SGCZ: variants seen among roughly 807,000 people sequenced by gnomAD.
SGCZ encodes the protein zeta-sarcoglycan.
A neutral mutation model predicts 41.3 loss-of-function variants in SGCZ; 40 were observed. The observed-to-expected ratio is 0.97, with a 90% confidence interval of 0.75 to 1.26. The LOEUF (loss-of-function observed/expected upper bound fraction) is 1.26, where lower values mean the gene tolerates loss of function less well. Among genes scored for constraint, SGCZ ranks in the 50% most tolerant of loss-of-function variants. SGCZ has a pLI of 0.00. For missense variants in SGCZ, 552 were observed against 369.8 expected, an observed-to-expected ratio of 1.49 and a Z score of -4.04; for synonymous variants, 206 against 137.5, an observed-to-expected ratio of 1.50 and a Z score of -3.49.
chr8:15,046,680 AT>A (rs1804314085), intron 1 of SGCZ, among the ~76,000 whole-genome samples: 1 of 152,000 alleles, frequency 6.6e-6, no homozygotes, highest in Non-Finnish European at 1.5e-5. Context: ...AGATGTGCTC[AT>A]TGTTACTGAT....
intron 5 of SGCZ, among the ~76,000 whole-genome samples, chr8:14,148,906 C>T (rs1454467239): frequency 1.3e-5 from 2 of 152,068 alleles, no homozygotes; most frequent in Admixed American, 6.5e-5. Flanking sequence ...CGATGTGGTA[C>T]ATCAAGTCAA....
At chr8:15,088,422 C>A (rs1806028287) in intron 1 of SGCZ, among the ~76,000 whole-genome samples, 2 of 151,988 alleles carry the variant, frequency 1.3e-5, no homozygotes, top group African/African-American at 4.8e-5. Flanking sequence ...TTTTCTGTAA[C>A]CACTTCAGAA....
chr8:14,113,500 A>C (rs983719496), intron 5 of SGCZ, among the ~76,000 whole-genome samples: 4 of 152,072 alleles, frequency 2.6e-5, no homozygotes, highest in Non-Finnish European at 5.9e-5. Flanking sequence ...GGTAATTAAT[A>C]AATATTGATA....
chr8:14,242,279 C>T (rs1007968331), intron 3 of SGCZ, among the ~76,000 whole-genome samples: 2 of 152,148 alleles, frequency 1.3e-5, no homozygotes, highest in Admixed American at 6.5e-5. Context: ...GTACAAACAG[C>T]AACCAACATT....
chr8:14,636,201 A>C (rs969256958), intron 1 of SGCZ, among the ~76,000 whole-genome samples: 1 of 151,884 alleles, frequency 6.6e-6, no homozygotes, highest in African/African-American at 2.4e-5. Flanking sequence ...CGGCAGACAT[A>C]AGCTGAATTT....
chr8:15,099,100 G>A (rs1340047264), intron 1 of SGCZ, among the ~76,000 whole-genome samples: 1 of 152,098 alleles, frequency 6.6e-6, no homozygotes, highest in South Asian at 2.1e-4. Context: ...GCCTCTGCAG[G>A]TTTTATTAAA....
chr8:14,734,925 A>G (rs1307606261), intron 1 of SGCZ, among the ~76,000 whole-genome samples: 1 of 152,220 alleles, frequency 6.6e-6, no homozygotes, highest in African/African-American at 2.4e-5. Flanking sequence ...TGGTATGGGA[A>G]TGGGTATTCT....
intron 1 of SGCZ, among the ~76,000 whole-genome samples, chr8:14,909,800 A>G (rs983437453): frequency 2.6e-5 from 4 of 152,078 alleles, no homozygotes; most frequent in African/African-American, 7.2e-5. Context: ...TTGTCCATCT[A>G]CTAGTTAAAA....
At chr8:15,125,315 T>C (rs73525087) in intron 1 of SGCZ, among the ~76,000 whole-genome samples, 2 of 152,160 alleles carry the variant, frequency 1.3e-5, no homozygotes, top group African/African-American at 4.8e-5. Context: ...CATCTACCCT[T>C]ATGTATGTGG....
intron 2 of SGCZ, among the ~76,000 whole-genome samples, chr8:14,525,442 G>C (rs935445590): frequency 6.6e-6 from 1 of 152,022 alleles, no homozygotes; most frequent in African/African-American, 2.4e-5. Flanking sequence ...GTTATACTTT[G>C]TTTTCATCTT....
chr8:14,458,853 AAAC>A (rs1434670544), intron 2 of SGCZ, among the ~76,000 whole-genome samples: 1 of 152,138 alleles, frequency 6.6e-6, no homozygotes, highest in African/African-American at 2.4e-5. Flanking sequence ...ACAAACAAAC[AAAC>A]AACACCATTA....
intron 1 of SGCZ, among the ~76,000 whole-genome samples, chr8:14,948,710 C>T (rs918832288): frequency 6.6e-6 from 1 of 152,138 alleles, no homozygotes; most frequent in Admixed American, 6.6e-5. Flanking sequence ...TTACTTTCAT[C>T]AGCAACATTT....
intron 1 of SGCZ, among the ~76,000 whole-genome samples, chr8:15,086,018 A>T (rs1805935110): frequency 6.6e-6 from 1 of 152,222 alleles, no homozygotes; most frequent in Non-Finnish European, 1.5e-5. Context: ...TTTTTAATTA[A>T]TAAACATTTG....
chr8:14,569,000 T>C, intron 1 of SGCZ, among the ~76,000 whole-genome samples: 1 of 152,184 alleles, frequency 6.6e-6, no homozygotes, highest in East Asian at 1.9e-4. Context: ...GGAAAAGCTG[T>C]ACCTGTTTCT....
intron 5 of SGCZ, among the ~76,000 whole-genome samples, chr8:14,161,597 T>C (rs1287498716): frequency 6.6e-6 from 1 of 152,206 alleles, no homozygotes; most frequent in Non-Finnish European, 1.5e-5. Flanking sequence ...ATCTCATAGT[T>C]TGTGGGTGTT....
At chr8:14,622,238 T>G (rs1344422635) in intron 1 of SGCZ, among the ~76,000 whole-genome samples, 1 of 152,130 alleles carries the variant, frequency 6.6e-6, no homozygotes, top group Non-Finnish European at 1.5e-5. Context: ...AAACAGAATG[T>G]ATCAAGGAGG....
chr8:14,421,722 A>G (rs1466602632), intron 2 of SGCZ, among the ~76,000 whole-genome samples: 1 of 152,170 alleles, frequency 6.6e-6, no homozygotes, highest in Non-Finnish European at 1.5e-5. Flanking sequence ...GGTTTAATTC[A>G]TCCCAAGCGC....
At chr8:14,422,107 TG>T (rs1799652458) in intron 2 of SGCZ, among the ~76,000 whole-genome samples, 1 of 152,146 alleles carries the variant, frequency 6.6e-6, no homozygotes, top group African/African-American at 2.4e-5. Flanking sequence ...GTTTTAACAG[TG>T]GGTTCATTCA....
intron 2 of SGCZ, among the ~76,000 whole-genome samples, chr8:14,540,599 G>A (rs558741876): frequency 8.6e-5 from 13 of 151,538 alleles, no homozygotes; most frequent in Admixed American, 7.9e-4. Flanking sequence ...CTATATTTTA[G>A]TGTATGCAAC....
Sources: gnomAD v4.1 joint callset for allele counts (sites outside exome capture counted in the v4.1 genomes callset) on GRCh38, gnomAD v4.1.1 for gene constraint, MANE v1.5 for transcripts, NCBI Gene and HGNC (gene_info 2026-07-23, HGNC 2026-07-21) for gene names.